The following TLE4 variants were observed in gnomAD, a reference collection of about 807,000 sequenced individuals.
The protein encoded by TLE4 is transducin-like enhancer protein 4.
TLE4 carries 8 observed loss-of-function variants against 92.8 expected under a neutral mutation model. The observed-to-expected ratio is 0.09, with a 90% confidence interval of 0.05 to 0.16. TLE4 has a LOEUF of 0.16. Ranked by LOEUF, TLE4 falls within the 10% of genes least tolerant of loss-of-function variation. The probability of loss-of-function intolerance (pLI) is 1.00; values close to 1 mark genes in which losing one functional copy is unlikely to be tolerated. For missense variants in TLE4, 675 were observed against 997.6 expected (o/e 0.68, Z 4.36); for synonymous variants, 371 against 374.1 (o/e 0.99, Z 0.10).
At chr9:79,721,679 T>C (rs2075667288) in intron 16 of TLE4, 62 bp from the exon 17 acceptor site, 1 of 1,606,304 alleles carries the variant, frequency 6.2e-7, no homozygotes, top group African/African-American at 1.3e-5. Context: ...CAAGGAATTC[T>C]AAATTGATTT....
At chr9:79,681,063 A>G (rs1019051633) in intron 8 of TLE4, among the ~76,000 whole-genome samples, 25 of 152,248 alleles carry the variant, frequency 1.6e-4, no homozygotes, top group South Asian at 1.0e-3. Flanking sequence ...ATCAATGTTC[A>G]TCAAGGATAT....
intron 14 of TLE4, among the ~76,000 whole-genome samples, chr9:79,710,139 T>C (rs983029689): frequency 1.3e-5 from 2 of 152,258 alleles, no homozygotes; most frequent in Admixed American, 6.5e-5. Context: ...TGGCTTCTTA[T>C]ACCGTGCTCT....
At chr9:79,687,600 T>G (rs958648121) in intron 8 of TLE4, among the ~76,000 whole-genome samples, 2 of 152,224 alleles carry the variant, frequency 1.3e-5, no homozygotes, top group African/African-American at 4.8e-5. Context: ...TCAACCCTAA[T>G]GAAGCAAGTC....
chr9:79,575,830 A>T, intron 3 of TLE4: 1 of 249,544 alleles, frequency 4.0e-6, no homozygotes, highest in Non-Finnish European at 7.6e-6. Context: ...AGTCCGTAGG[A>T]TACCAAATTT....
At position 79,725,076 on chromosome 9, in the gene TLE4, G is replaced by A. The variant is rs759437087; in HGVS notation, c.2254G>A (p.Val752Met). The A allele has an allele frequency of 3.0e-5, 49 of 1,613,544 alleles. 1 individual carries two copies. The Admixed American group carries it at 3.2e-4, about 10-fold the overall frequency. The change falls in exon 20 of 20, where the codon GTG (valine) becomes ATG (methionine). Residue 752 changes from valine to methionine, a missense_variant. By Grantham distance (21) the Val-to-Met change is conservative. Coordinates refer to ENST00000376552, the MANE Select transcript of TLE4 (RefSeq NM_007005.6). ...ATCGGTGCTTAGCTGTGACATCTCC[G>A]TGGACGACAAATACATTGTCACTGG... ...SSSVLSCDIS[V>M]DDKYIVTGSG... is the part of the protein sequence containing the mutation.
chr9:79,578,675 A>G lies in TLE4; in HGVS notation c.252+2498A>G, dbSNP rs573240018. 1.3e-4 allele frequency among the ~76,000 whole-genome samples: 20 copies of G among 152,304 alleles called. No homozygotes were observed. The East Asian group carries it at 3.9e-3, about 29-fold the overall frequency. On this transcript the variant is annotated intron_variant, in intron 4 of 19. Transcript: ENST00000376552. Reference sequence around the variant, plus strand: ...ATTTGTCATTCTGAAATGAAAGCTAATGTAATTAGTACCAATTAAAGTACA... The same window carrying G: ...ATTTGTCATTCTGAAATGAAAGCTAGTGTAATTAGTACCAATTAAAGTACA...
chr9:79,585,433 AC>A (rs1454537188), intron 4 of TLE4, among the ~76,000 whole-genome samples: 1 of 152,160 alleles, frequency 6.6e-6, no homozygotes, highest in East Asian at 1.9e-4. Context: ...CCATCAGCAT[AC>A]TTACTACCTT....
At chr9:79,582,008 C>T (rs1044688037) in intron 4 of TLE4, among the ~76,000 whole-genome samples, 4 of 152,228 alleles carry the variant, frequency 2.6e-5, no homozygotes, top group African/African-American at 9.6e-5. Context: ...CCCTAGGCAA[C>T]CTATTTCTCA....
At chr9:79,665,400 C>T (rs188109618) in intron 8 of TLE4, among the ~76,000 whole-genome samples, 1 of 152,126 alleles carries the variant, frequency 6.6e-6, no homozygotes, top group Non-Finnish European at 1.5e-5. Flanking sequence ...TATGGAATTG[C>T]GATATGCTGC....
intron 6 of TLE4, among the ~76,000 whole-genome samples, chr9:79,631,322 T>C (rs2054139544): frequency 6.6e-6 from 1 of 152,234 alleles, no homozygotes; most frequent in African/African-American, 2.4e-5. Flanking sequence ...GGACTTTCTC[T>C]ACCTCCTGCA....
chr9:79,598,094 A>C (rs1246979273), intron 4 of TLE4, among the ~76,000 whole-genome samples: 4 of 148,540 alleles, frequency 2.7e-5, no homozygotes, highest in East Asian at 1.9e-4. Flanking sequence ...AAAAAAAAAA[A>C]AAAACTTACC....
At chr9:79,578,418 G>A (rs1430891313) in intron 4 of TLE4, among the ~76,000 whole-genome samples, 2 of 152,174 alleles carry the variant, frequency 1.3e-5, no homozygotes, top group South Asian at 2.1e-4. Context: ...CTTGGCTGCT[G>A]CTAGCCACAG....
At chr9:79,704,553 T>C (rs1200030984) in intron 8 of TLE4, 3 of 530,394 alleles carry the variant, frequency 5.7e-6, no homozygotes, top group Non-Finnish European at 9.8e-6. Context: ...CCTCTTCTCG[T>C]TTTTTCTTTC....
intron 8 of TLE4, among the ~76,000 whole-genome samples, chr9:79,669,600 G>A (rs1028539335): frequency 5.3e-5 from 8 of 152,216 alleles, no homozygotes; most frequent in African/African-American, 1.9e-4. Context: ...TTCACCTAGT[G>A]TCTGAGCAAG....
intron 8 of TLE4, among the ~76,000 whole-genome samples, chr9:79,672,741 T>A (rs1212319773): frequency 1.3e-5 from 2 of 152,264 alleles, no homozygotes; most frequent in Admixed American, 1.3e-4. Flanking sequence ...TAAGAGGGAT[T>A]CACATTTCTC....
At chr9:79,701,701 G>C (rs1470272077) in intron 8 of TLE4, among the ~76,000 whole-genome samples, 2 of 152,192 alleles carry the variant, frequency 1.3e-5, no homozygotes, top group Non-Finnish European at 2.9e-5. Flanking sequence ...CTAGTGAATG[G>C]TCTCCCATGG....
At chr9:79,696,617 A>C (rs2068326058) in intron 8 of TLE4, among the ~76,000 whole-genome samples, 1 of 152,178 alleles carries the variant, frequency 6.6e-6, no homozygotes, top group South Asian at 2.1e-4. Flanking sequence ...TGGAAAAAAA[A>C]GTTTAGCCTT....
At chr9:79,575,227 C>T (rs1363527421) in intron 3 of TLE4, among the ~76,000 whole-genome samples, 2 of 152,102 alleles carry the variant, frequency 1.3e-5, no homozygotes, top group East Asian at 3.8e-4. Flanking sequence ...TTTGTTTTGT[C>T]ACAAGCAAAA....
chr9:79,704,933 G>A (rs1274780997), intron 9 of TLE4, 31 bp downstream of exon 9: 1 of 1,610,850 alleles, frequency 6.2e-7, no homozygotes, highest in Non-Finnish European at 8.5e-7. Flanking sequence ...GTTAGGGGAG[G>A]CCAGCTTGCC....
Sources: allele counts gnomAD v4.1 joint callset (sites outside exome capture counted in the v4.1 genomes callset), GRCh38; gene constraint gnomAD v4.1.1; transcripts MANE v1.5; gene names NCBI Gene and HGNC (gene_info 2026-07-23, HGNC 2026-07-21).